Variants in SPIB observed in about 807,000 individuals in gnomAD.
SPIB encodes transcription factor Spi-B.
SPIB carries 7 observed loss-of-function variants against 31.9 expected under a neutral mutation model. The ratio of observed to expected loss-of-function variants is 0.22; its 90% confidence interval spans 0.12 to 0.41. SPIB has a LOEUF of 0.41. Among genes scored for constraint, SPIB ranks in the 10% least tolerant of loss-of-function variants. The probability of loss-of-function intolerance (pLI) is 1.00; values close to 1 mark genes in which losing one functional copy is unlikely to be tolerated. For synonymous variants in SPIB, 176 were observed against 158.9 expected (o/e 1.11, Z -0.81); for missense variants, 327 against 360.2 (o/e 0.91, Z 0.75).
intron 1 of SPIB, 107 bp from the exon 2 acceptor site, chr19:50,419,839 G>A: frequency 8.4e-7 from 1 of 1,194,378 alleles, no homozygotes; most frequent in Non-Finnish European, 1.1e-6. Flanking sequence ...CTCACACAGG[G>A]CTGCGGTGGT....
intron 3 of SPIB, 122 bp from the exon 4 acceptor site, chr19:50,422,701 C>T: frequency 9.4e-7 from 1 of 1,063,786 alleles, no homozygotes; most frequent in Middle Eastern, 2.1e-4. Flanking sequence ...ATCCGCTCCT[C>T]CATGCAAATC....
rs192191813 is a variant in SPIB at position 50,419,156 on chromosome 19, G to A, written c.23+171G>A. On this transcript the variant is annotated intron_variant, in intron 1 of 5. Transcript: ENST00000595883. ...TCTGGTTCTGTTCCCTCTTCACTTC[G>A]GACTCTCCATCCCCCCAGTTCCTAT... 4.9e-4 allele frequency among the ~76,000 whole-genome samples: 74 copies of A among 152,184 alleles called. No homozygotes were observed. In the Middle Eastern group the frequency reaches 0.01, roughly 21 times the overall value.
In SPIB at chr19:50,428,039, G is replaced by C. The variant is rs1462682707; in HGVS notation, c.492G>C (p.Gly164=). ...CGCGTGCCCCCGACCCCACCGCAGG[G>C]ACTCGCAAGAAGCTGCGCCTGTACC... is the stretch of plus-strand genomic sequence containing the variant. ...AGPEGKGSEA[G]TRKKLRLYQF... Residue 164 remains glycine (G), a splice_region_variant and synonymous_variant, in exon 6 of 6, where the codon GGG becomes GGC. Coordinates refer to ENST00000595883, the MANE Select transcript of SPIB (RefSeq NM_003121.5). The surrounding 1 kb of genome is among the most constrained non-coding windows in gnomAD (Gnocchi z 6.5). 2 of 1,517,834 alleles carry C rather than the reference G, an allele frequency of 1.3e-6. No homozygotes were observed. The highest frequency in any genetic ancestry group is 1.8e-6 in the Non-Finnish European group (2 of 1,126,296). 94.0% of individuals were successfully genotyped at this position (1,517,834 alleles called of 1,614,324 possible).
chr19:50,421,080 T>C (rs1601260502), intron 2 of SPIB, among the ~76,000 whole-genome samples: 2 of 152,226 alleles, frequency 1.3e-5, no homozygotes, highest in African/African-American at 4.8e-5. Flanking sequence ...ACAGTCTGTT[T>C]ATCCCTTCTT....
In SPIB at chr19:50,422,953, T is replaced by A; in HGVS notation, c.255T>A (p.Pro85=). Residue 85 remains proline, a synonymous_variant, in exon 4 of 6, where the codon CCT becomes CCA. Coordinates refer to ENST00000595883, the MANE Select transcript of SPIB (RefSeq NM_003121.5). The part of the protein sequence containing the change: ...QLCYEPPTYS[P]AGNLELAPSL... ...GCTACGAACCCCCCACCTACAGCCCTGCAGGGAACCTCGAACTGGCCCCCA... is the reference window on the plus strand; with the variant it reads ...GCTACGAACCCCCCACCTACAGCCCAGCAGGGAACCTCGAACTGGCCCCCA... The A allele has an allele frequency of 6.3e-7, 1 of 1,589,562 alleles. No individual in the cohort carries two copies. The highest frequency in any genetic ancestry group is 8.6e-7 in the Non-Finnish European group (1 of 1,165,328).
In SPIB at chr19:50,430,409, C is replaced by T. The variant is rs1162391712; in HGVS notation, c.*2073C>T. 1 of 152,070 alleles carries T rather than the reference C, an allele frequency of 6.6e-6. No individual in the cohort carries two copies. The highest frequency in any genetic ancestry group is 6.6e-5 in the Admixed American group (1 of 15,238). The allele number at this position is 152,070 out of a possible 1,614,324, so 9.4% of individuals were successfully genotyped here. Reference sequence around the variant, plus strand: ...TTGCTGCTTCCCAACCTTAGTTTGTCCCTTCTGTGAAAAAGGGAGAGAAGG... The same window carrying T: ...TTGCTGCTTCCCAACCTTAGTTTGTTCCTTCTGTGAAAAAGGGAGAGAAGG... On this transcript the variant is annotated 3_prime_UTR_variant, in exon 6 of 6. Transcript: ENST00000595883.
intron 2 of SPIB, among the ~76,000 whole-genome samples, 184 bp from the exon 3 acceptor site, chr19:50,422,289 G>C (rs1340710211): frequency 3.3e-5 from 5 of 152,154 alleles, no homozygotes; most frequent in Admixed American, 3.3e-4. Flanking sequence ...TCTACTCTCT[G>C]TATCTCTGTC....
At chr19:50,423,077 G>A (rs2039519474) in intron 4 of SPIB, 40 bp downstream of exon 4, 2 of 993,982 alleles carry the variant, frequency 2.0e-6, no homozygotes, top group Middle Eastern at 3.3e-4. Flanking sequence ...GCCCAAACCA[G>A]GTGTGGTGGT....
chr19:50,420,217 A>G (rs1280531476), intron 2 of SPIB, among the ~76,000 whole-genome samples: 1 of 152,026 alleles, frequency 6.6e-6, no homozygotes, highest in Non-Finnish European at 1.5e-5. Flanking sequence ...CAGACAATGT[A>G]TTTTCATGTT....
At chr19:50,426,628 G>A (rs2039568325) in intron 5 of SPIB, among the ~76,000 whole-genome samples, 1 of 152,040 alleles carries the variant, frequency 6.6e-6, no homozygotes, top group Non-Finnish European at 1.5e-5. Flanking sequence ...CAAGTAGCTG[G>A]GATTACAGGC....
intron 5 of SPIB, among the ~76,000 whole-genome samples, chr19:50,426,942 C>A (rs1044817227): frequency 2.0e-5 from 3 of 150,844 alleles, no homozygotes; most frequent in East Asian, 2.0e-4. Flanking sequence ...CCAGCCTGGG[C>A]AACATAGTAA....
At chr19:50,427,589 C>G (rs569282450) in intron 5 of SPIB, among the ~76,000 whole-genome samples, 1 of 152,218 alleles carries the variant, frequency 6.6e-6, no homozygotes, top group Non-Finnish European at 1.5e-5. Context: ...GACCCTGTCC[C>G]GCTTTGGGCT....
chr19:50,427,924 C>A, intron 5 of SPIB, 114 bp from the exon 6 acceptor site: 1 of 1,257,110 alleles, frequency 8.0e-7, no homozygotes, highest in East Asian at 2.8e-5. Flanking sequence ...TCCCTCACCC[C>A]ACTTTTCAGA....
In SPIB at chr19:50,428,007, C is replaced by T; in HGVS notation, c.491-31C>T. ...GGAAGGCGGGGCCTTAGGGACCCCT[C>T]ACCTAACGCGTGCCCCCGACCCCAC... On this transcript the variant is annotated intron_variant, in intron 5 of 5. Coordinates refer to ENST00000595883, the MANE Select transcript of SPIB (RefSeq NM_003121.5). The surrounding 1 kb of genome is among the most constrained non-coding windows in gnomAD (Gnocchi z 6.5). 3 of 1,473,776 alleles carry T rather than the reference C, an allele frequency of 2.0e-6. No homozygotes were observed. Among genetic ancestry groups the T allele is most frequent in the Non-Finnish European group, 2.7e-6 (3 of 1,106,210 alleles). The allele number at this position is 1,473,776 out of a possible 1,614,324, so 91.3% of individuals were successfully genotyped here.
At chr19:50,427,915 C>G (rs1244214793) in intron 5 of SPIB, 123 bp from the exon 6 acceptor site, 1 of 1,076,294 alleles carries the variant, frequency 9.3e-7, no homozygotes, top group Non-Finnish European at 1.2e-6. Flanking sequence ...ACAGCCACTT[C>G]CCTCACCCCA....
In SPIB at chr19:50,429,082, G is replaced by A. The variant is rs944834078; in HGVS notation, c.*746G>A. 6.6e-6 allele frequency: 1 copy of A among 152,058 alleles called. No homozygotes were observed. Among genetic ancestry groups the A allele is most frequent in the African/African-American group, 2.4e-5 (1 of 41,358 alleles). 9.4% of individuals were successfully genotyped at this position (152,058 alleles called of 1,614,324 possible). ...ATGTGTCATGTCTGGGCCCTGTCAG[G>A]GACACCCTTGTTATATCTGGGATCC... On this transcript the variant is annotated 3_prime_UTR_variant, in exon 6 of 6. Transcript: ENST00000595883.
At position 50,427,869 on chromosome 19, in the gene SPIB, C is replaced by G. The variant is rs976051473; in HGVS notation, c.491-169C>G. ...AGGGGGAGTGGCTTGCCCCCCCCCC[C>G]CCCCGTGGTGAGGGGCGCAGAGCCA... On this transcript the variant is annotated intron_variant, in intron 5 of 5. Coordinates refer to ENST00000595883, the MANE Select transcript of SPIB (RefSeq NM_003121.5). Among the ~76,000 whole-genome samples, 1,060 of 139,366 alleles carry G rather than the reference C, an allele frequency of 7.6e-3. 43 individuals carry two copies. The highest frequency in any genetic ancestry group is 0.026 in the African/African-American group (991 of 38,402). The allele number at this position is 139,366 out of a possible 152,430, so 91.4% of individuals were successfully genotyped here.
intron 5 of SPIB, among the ~76,000 whole-genome samples, chr19:50,425,880 G>A (rs2039559296): frequency 6.6e-6 from 1 of 152,160 alleles, no homozygotes; most frequent in Non-Finnish European, 1.5e-5. Context: ...TGGGTCCAAG[G>A]CGTCGGCCAA....
Position 50,428,122 on chromosome 19 carries a change from A to C in SPIB, c.575A>C (p.Glu192Ala). ...ATGCGTGAGTGCGTGTGGTGGGTGGAGCCAGGCGCCGGCGTCTTCCAGTTC... is the reference window on the plus strand; with the variant it reads ...ATGCGTGAGTGCGTGTGGTGGGTGGCGCCAGGCGCCGGCGTCTTCCAGTTC... ...GDMRECVWWV[E>A]PGAGVFQFSS... Residue 192 changes from glutamate (E) to alanine (A), a missense_variant, in exon 6 of 6, where the codon GAG becomes GCG. By Grantham distance (107) the Glu-to-Ala change is moderately radical. Transcript: ENST00000595883. The surrounding 1 kb of genome is among the most constrained non-coding windows in gnomAD (Gnocchi z 6.5). 4 of 1,584,242 alleles carry C rather than the reference A, an allele frequency of 2.5e-6. No homozygotes were observed. The highest frequency in any genetic ancestry group is 2.3e-5 in the South Asian group (2 of 87,004).
Sources: gnomAD v4.1 joint callset for allele counts (sites outside exome capture counted in the v4.1 genomes callset) on GRCh38, gnomAD v4.1.1 for gene constraint, Gnocchi (gnomAD v3.1) non-coding constraint, MANE v1.5 for transcripts, NCBI Gene and HGNC (gene_info 2026-07-23, HGNC 2026-07-21) for gene names.